The following CNOT1 variants were observed in gnomAD, a reference collection of about 807,000 sequenced individuals.
The protein encoded by CNOT1 is CCR4-associated factor 1.
CNOT1 carries 15 observed loss-of-function variants against 273.8 expected under a neutral mutation model. The observed-to-expected ratio is 0.05, with a 90% CI of 0.04 to 0.08. The LOEUF (loss-of-function observed/expected upper bound fraction) is 0.08. CNOT1 is among the 10% of genes least tolerant of loss of function. CNOT1 has a pLI of 1.00. For synonymous variants in CNOT1, 1,022 were observed against 1,005.5 expected, an observed-to-expected ratio of 1.02 and a Z score of -0.31; for missense variants, 1,644 against 2,912.2, an observed-to-expected ratio of 0.56 and a Z score of 10.02.
intron 13 of CNOT1, 66 bp from the exon 14 acceptor site, chr16:58,576,648 G>A: frequency 3.8e-6 from 6 of 1,595,966 alleles, no homozygotes; most frequent in Non-Finnish European, 4.3e-6. Context: ...TATTACAAAT[G>A]CCCAGTTAAT....
chr16:58,578,452 C>CAAAAA, intron 13 of CNOT1, among the ~76,000 whole-genome samples: 1 of 103,068 alleles, frequency 9.7e-6, no homozygotes, highest in East Asian at 4.3e-4. Context: ...GACACCATCT[C>CAAAAA]AAAAAAAAAA....
At chr16:58,545,077 T>C (rs1260899378) in intron 30 of CNOT1, among the ~76,000 whole-genome samples, 4 of 152,256 alleles carry the variant, frequency 2.6e-5, no homozygotes, top group African/African-American at 4.8e-5. Flanking sequence ...TTTTACTCTG[T>C]GTAAGGAATT....
rs145376296 is a variant in CNOT1, at chr16:58,556,698, C to T, written c.2479+149G>A. ...GACTTTGTTCTGGGAAGGAGTGATACCTCTAACTTTTAATAATTCAAATTT... is the reference window on the plus strand; with the variant it reads ...GACTTTGTTCTGGGAAGGAGTGATATCTCTAACTTTTAATAATTCAAATTT... On this transcript the variant is annotated intron_variant, in intron 19 of 48. Transcript: ENST00000317147. 647 of 1,348,890 alleles carry T rather than the reference C, an allele frequency of 4.8e-4. 3 individuals are homozygous for T. In the African/African-American group the frequency reaches 8.1e-3, roughly 17 times the overall value. The allele number at this position is 1,348,890 out of a possible 1,614,324, so 83.6% of individuals were successfully genotyped here. A position where few individuals can be genotyped will look rare whatever the true frequency, so the allele number is the denominator to read the frequency against.
chr16:58,616,929 C>A (rs761516652), intron 1 of CNOT1, among the ~76,000 whole-genome samples: 3 of 151,918 alleles, frequency 2.0e-5, no homozygotes, highest in Non-Finnish European at 4.4e-5. Context: ...CAAAATAAAC[C>A]TAATGAGAAA....
chr16:58,542,019 C>T (rs1455396396), intron 33 of CNOT1, among the ~76,000 whole-genome samples: 1 of 152,208 alleles, frequency 6.6e-6, no homozygotes, highest in East Asian at 1.9e-4. Context: ...AGAGTAATAA[C>T]ACTTCAACAA....
At chr16:58,565,160 C>A (rs2040996666) in intron 16 of CNOT1, among the ~76,000 whole-genome samples, 1 of 152,162 alleles carries the variant, frequency 6.6e-6, no homozygotes, top group African/African-American at 2.4e-5. Flanking sequence ...CACTGTCGCC[C>A]AGGCAGGAAT....
Position 58,541,566 on chromosome 16 carries a change from C to T in CNOT1, c.4735G>A (p.Val1579Ile), listed in dbSNP as rs760319943. 4.7e-5 allele frequency: 76 copies of T among 1,614,004 alleles called. No individual in the cohort carries two copies. Among genetic ancestry groups the T allele is most frequent in the Non-Finnish European group, 6.0e-5 (71 of 1,179,968 alleles). The change falls in exon 34 of 49, where the codon GTT becomes ATT. Residue 1579 changes from valine (V) to isoleucine (I), a missense_variant. Transcript: ENST00000317147. ...TCATTTGTAGGTAAGAAGCCAGGAA[C>T]ATTGCGTGCAAACTCTTCGTAAACA... ...LAVYEEFARN[V>I]PGFLPTNDLS...
At chr16:58,531,916 T>C in intron 42 of CNOT1, 42 bp downstream of exon 42, 2 of 1,606,966 alleles carry the variant, frequency 1.2e-6, no homozygotes, top group Non-Finnish European at 1.7e-6. Context: ...TAAGCCCAGG[T>C]AGTTATAGTC....
In CNOT1 at chr16:58,610,837, C is replaced by T. The variant is rs147843606; in HGVS notation, c.-174-11326G>A. Among the ~76,000 whole-genome samples, 33 of 147,408 alleles carry T rather than the reference C, an allele frequency of 2.2e-4. 1 individual carries two copies. Among genetic ancestry groups the T allele is most frequent in the Admixed American group, 1.2e-3 (18 of 14,738 alleles). On this transcript the variant is annotated intron_variant, in intron 1 of 48. Transcript: ENST00000317147. ...CAGCCTGGGCAACAGAGTGAGACTCCGTCTCAAAAAAACATAAAACAAACA... is the reference window on the plus strand; with the variant it reads ...CAGCCTGGGCAACAGAGTGAGACTCTGTCTCAAAAAAACATAAAACAAACA...
intron 2 of CNOT1, among the ~76,000 whole-genome samples, chr16:58,598,766 T>TA (rs1003808786): frequency 7.3e-5 from 11 of 151,604 alleles, no homozygotes; most frequent in South Asian, 6.3e-4. Context: ...AAAATCTTTT[T>TA]AAAAAAAAGA....
chr16:58,550,574 T>C (rs572080538), intron 24 of CNOT1, among the ~76,000 whole-genome samples: 3 of 152,346 alleles, frequency 2.0e-5, no homozygotes, highest in East Asian at 3.9e-4. Flanking sequence ...CAGTATTATA[T>C]GCATATAAGA....
chr16:58,600,985 A>G (rs547674294), intron 1 of CNOT1, among the ~76,000 whole-genome samples: 2 of 151,794 alleles, frequency 1.3e-5, no homozygotes, highest in African/African-American at 4.8e-5. Flanking sequence ...AGACAGTTTC[A>G]CTCTTGTTGC....
At chr16:58,615,456 CTG>C (rs1266806314) in intron 1 of CNOT1, among the ~76,000 whole-genome samples, 2 of 125,210 alleles carry the variant, frequency 1.6e-5, no homozygotes, top group African/African-American at 5.4e-5. Context: ...TCATGATTCT[CTG>C]TTTTTGACTA....
chr16:58,618,671 G>A (rs1482459155), intron 1 of CNOT1, among the ~76,000 whole-genome samples: 1 of 150,442 alleles, frequency 6.6e-6, no homozygotes, highest in Non-Finnish European at 1.5e-5. Flanking sequence ...AAGAAAAAGA[G>A]TTGACCCTTC....
At chr16:58,559,005 TG>T (rs2040738961) in intron 17 of CNOT1, among the ~76,000 whole-genome samples, 1 of 152,240 alleles carries the variant, frequency 6.6e-6, no homozygotes, top group African/African-American at 2.4e-5. Context: ...AATCCCATCA[TG>T]GGGATGGGAC....
chr16:58,610,032 G>T (rs546370557), intron 1 of CNOT1, among the ~76,000 whole-genome samples: 1 of 152,088 alleles, frequency 6.6e-6, no homozygotes, highest in Non-Finnish European at 1.5e-5. Context: ...TGACCAAGAG[G>T]CTTAATGTAA....
chr16:58,628,585 C>T (rs1415788634), intron 1 of CNOT1, among the ~76,000 whole-genome samples: 5 of 145,422 alleles, frequency 3.4e-5, no homozygotes, highest in African/African-American at 1.3e-4. Flanking sequence ...ATTATATTCA[C>T]TCAATCACTG....
chr16:58,616,124 T>A (rs1434032994), intron 1 of CNOT1, among the ~76,000 whole-genome samples: 1 of 125,290 alleles, frequency 8.0e-6, no homozygotes, highest in East Asian at 1.9e-4. Flanking sequence ...GTTAGTTTTT[T>A]CAGACGGAGT....
At chr16:58,593,701 T>C (rs1008984437) in intron 2 of CNOT1, among the ~76,000 whole-genome samples, 1 of 151,994 alleles carries the variant, frequency 6.6e-6, no homozygotes, top group Non-Finnish European at 1.5e-5. Flanking sequence ...CATTCCAACC[T>C]AGGCAACAGA....
Sources: allele counts gnomAD v4.1 joint callset (sites outside exome capture counted in the v4.1 genomes callset), GRCh38; gene constraint gnomAD v4.1.1; transcripts MANE v1.5; gene names NCBI Gene and HGNC (gene_info 2026-07-23, HGNC 2026-07-21).